SRGAP2: variants seen among roughly 807,000 people sequenced by gnomAD.
SRGAP2 encodes the protein SLIT-ROBO Rho GTPase-activating protein 2.
Under a neutral mutation model 57.2 loss-of-function variants are expected in SRGAP2, and 15 were observed. The ratio of observed to expected loss-of-function variants is 0.26; its 90% CI spans 0.18 to 0.40. The LOEUF is 0.40. Among genes scored for constraint, SRGAP2 ranks in the 10% least tolerant of loss-of-function variants. The pLI, the probability that SRGAP2 is intolerant of heterozygous loss-of-function variation, is 1.00. For synonymous variants in SRGAP2, 249 were observed against 248.0 expected (o/e 1.00, Z -0.04); for missense variants, 520 against 669.6 (o/e 0.78, Z 2.47).
chr1:206,306,994 G>C (rs1354293353), intron 3 of SRGAP2, among the ~76,000 whole-genome samples: 6 of 151,372 alleles, frequency 4.0e-5, no homozygotes, highest in African/African-American at 1.2e-4. Context: ...GGTGCTGATT[G>C]GTGTATTTAC....
intron 2 of SRGAP2, among the ~76,000 whole-genome samples, chr1:206,212,532 TTAATTA>T (rs1455798001): frequency 2.8e-4 from 8 of 28,848 alleles, no homozygotes; most frequent in African/African-American, 9.9e-4. Context: ...TAGTATATTA[TTAATTA>T]TAAAGTTGTA....
In SRGAP2 at chr1:206,458,781, G is replaced by T. The variant is rs377016252; in HGVS notation, c.2666G>T (p.Gly889Val). 3.5e-5 allele frequency: 27 copies of T among 780,810 alleles called. No homozygotes were observed. In the African/African-American group the frequency reaches 4.6e-4, roughly 13 times the overall value. 48.4% of individuals were successfully genotyped at this position (780,810 alleles called of 1,614,324 possible). A position where few individuals can be genotyped will look rare whatever the true frequency, so the allele number is the denominator to read the frequency against. ...PIMSQSLPKE[G>V]PDKCSISGHG... ...ATGAGCCAGAGCCTCCCCAAAGAAG[G>T]GCCAGATAAGTGTTCCATCAGTGGG... is the stretch of plus-strand genomic sequence containing the variant. The change falls in exon 22 of 23, where the codon GGG becomes GTG. Residue 889 changes from glycine (G) to valine (V), a missense_variant. Gly to Val is a moderately radical substitution (Grantham distance 109). Coordinates refer to ENST00000573034, the MANE Select transcript of SRGAP2 (RefSeq NM_015326.5).
At position 206,462,841 on chromosome 1, in the gene SRGAP2, G is replaced by C. The variant is rs141601592; in HGVS notation, c.*1421G>C. 114 of 152,204 alleles carry C rather than the reference G, an allele frequency of 7.5e-4. No individual in the cohort carries two copies. Among genetic ancestry groups the C allele is most frequent in the African/African-American group, 2.6e-3 (108 of 41,512 alleles). 9.4% of individuals were successfully genotyped at this position (152,204 alleles called of 1,614,324 possible). On this transcript the variant is annotated 3_prime_UTR_variant, in exon 23 of 23. Coordinates refer to ENST00000573034, the MANE Select transcript of SRGAP2 (RefSeq NM_015326.5). ...CTGCTCCAATTCAGTCTCCAAACCTGGTGCCTGTGCTCCTGGCCCCCCTAG... is the reference window on the plus strand; with the variant it reads ...CTGCTCCAATTCAGTCTCCAAACCTCGTGCCTGTGCTCCTGGCCCCCCTAG...
In SRGAP2 at chr1:206,462,604, G is replaced by A. The variant is rs889763959; in HGVS notation, c.*1184G>A. 6.6e-6 allele frequency: 1 copy of A among 152,222 alleles called. No individual in the cohort carries two copies. The highest frequency in any genetic ancestry group is 6.5e-5 in the Admixed American group (1 of 15,282). The allele number at this position is 152,222 out of a possible 1,614,324, so 9.4% of individuals were successfully genotyped here. On this transcript the variant is annotated 3_prime_UTR_variant, in exon 23 of 23. Coordinates refer to ENST00000573034, the MANE Select transcript of SRGAP2 (RefSeq NM_015326.5). ...CTTCAGGGACCAACAGGGGCTTAGA[G>A]AGCCTTAGTTAGATTAAAGGGAGAC...
chr1:206,449,752 A>C (rs1663106316), intron 18 of SRGAP2, among the ~76,000 whole-genome samples: 1 of 152,096 alleles, frequency 6.6e-6, no homozygotes, highest in Admixed American at 6.5e-5. Context: ...ACCAGTTCAC[A>C]GTCTGAACTG....
At chr1:206,424,043 T>TCGC (rs782137165) in intron 13 of SRGAP2, among the ~76,000 whole-genome samples, 12 of 147,800 alleles carry the variant, frequency 8.1e-5, no homozygotes, top group African/African-American at 2.0e-4. Flanking sequence ...TCCACCTGCC[T>TCGC]CGGCCTCCCA....
At chr1:206,394,022 A>C (rs1158113218) in intron 7 of SRGAP2, among the ~76,000 whole-genome samples, 1 of 134,044 alleles carries the variant, frequency 7.5e-6, no homozygotes, top group Non-Finnish European at 1.6e-5. Flanking sequence ...TCTATCTGCC[A>C]GGAAATACTT....
chr1:206,402,078 C>T (rs1658241513), intron 8 of SRGAP2, among the ~76,000 whole-genome samples: 1 of 151,656 alleles, frequency 6.6e-6, no homozygotes, highest in South Asian at 2.1e-4. Flanking sequence ...TGAGGTGGGG[C>T]CACATCCTAG....
intron 4 of SRGAP2, among the ~76,000 whole-genome samples, chr1:206,354,170 T>C (rs1553338841): frequency 2.0e-5 from 3 of 152,214 alleles, no homozygotes; most frequent in African/African-American, 7.2e-5. Flanking sequence ...GACTTTTTTT[T>C]ACATGCCTAC....
At position 206,448,499 on chromosome 1, in the gene SRGAP2, C is replaced by T. The variant is rs908827279; in HGVS notation, c.2100-1887C>T. 3.3e-5 allele frequency among the ~76,000 whole-genome samples: 5 copies of T among 152,298 alleles called. No individual in the cohort carries two copies. In the South Asian group the frequency reaches 1.0e-3, roughly 32 times the overall value. ...AGAGACCTCAGAAAGCATCCTCTTG[C>T]CTTTCTCATAAAGCAGTGGTTTTCA... On this transcript the variant is annotated intron_variant, in intron 18 of 22. Coordinates refer to ENST00000573034, the MANE Select transcript of SRGAP2 (RefSeq NM_015326.5).
At chr1:206,363,252 A>G (rs1677041411) in intron 4 of SRGAP2, among the ~76,000 whole-genome samples, 1 of 149,818 alleles carries the variant, frequency 6.7e-6, no homozygotes, top group African/African-American at 2.5e-5. Flanking sequence ...CAAAGGGCTT[A>G]TACCCTGAAG....
chr1:206,440,425 G>A (rs1197351188), intron 17 of SRGAP2, among the ~76,000 whole-genome samples: 1 of 152,154 alleles, frequency 6.6e-6, no homozygotes, highest in African/African-American at 2.4e-5. Flanking sequence ...GCAGAGGCCT[G>A]CCTGAGAAGA....
rs1174514919 is a variant in SRGAP2, at chr1:206,454,445, C to T, written c.2361-433C>T. 3 of 488,860 alleles carry T rather than the reference C, an allele frequency of 6.1e-6. No homozygotes were observed. The highest frequency in any genetic ancestry group is 6.8e-5 in the East Asian group (2 of 29,498). The allele number at this position is 488,860 out of a possible 1,614,324, so 30.3% of individuals were successfully genotyped here. ...GACAGTGTGTGGCGGTGTCCTGCCA[C>T]GACGCCGCCGTCTCCAGAGCCACCA... On this transcript the variant is annotated intron_variant, in intron 20 of 22. Transcript: ENST00000573034. The surrounding 1 kb of genome is among the most constrained non-coding windows in gnomAD (Gnocchi z 4.3).
intron 2 of SRGAP2, among the ~76,000 whole-genome samples, chr1:206,281,839 G>A (rs1418433808): frequency 1.4e-5 from 2 of 139,502 alleles, no homozygotes; most frequent in African/African-American, 3.0e-5. Flanking sequence ...ACTTGAACCC[G>A]GGAGGCGGTG....
intron 14 of SRGAP2, among the ~76,000 whole-genome samples, chr1:206,430,558 G>A (rs1661201539): frequency 6.6e-6 from 1 of 152,206 alleles, no homozygotes; most frequent in Non-Finnish European, 1.5e-5. Flanking sequence ...CTTTGCAAGT[G>A]TGGGTATCTC....
intron 4 of SRGAP2, among the ~76,000 whole-genome samples, chr1:206,344,785 T>C (rs1675499691): frequency 6.6e-6 from 1 of 151,556 alleles, no homozygotes; most frequent in South Asian, 2.1e-4. Context: ...TGTTCCTGGC[T>C]CTTCAAGTGC....
At chr1:206,232,303 G>A (rs1213026428) in intron 2 of SRGAP2, among the ~76,000 whole-genome samples, 4 of 151,848 alleles carry the variant, frequency 2.6e-5, no homozygotes, top group Non-Finnish European at 4.4e-5. Flanking sequence ...TTGAACCATC[G>A]TCAATTAAAT....
intron 3 of SRGAP2, among the ~76,000 whole-genome samples, chr1:206,309,219 A>G (rs1264543538): frequency 1.3e-5 from 2 of 150,716 alleles, no homozygotes; most frequent in Non-Finnish European, 3.0e-5. Context: ...CTATGTAAAT[A>G]GTATAATGTG....
intron 7 of SRGAP2, among the ~76,000 whole-genome samples, chr1:206,397,302 G>A (rs1263106124): frequency 6.6e-6 from 1 of 151,382 alleles, no homozygotes; most frequent in Non-Finnish European, 1.5e-5. Context: ...GATAAAAAGG[G>A]CCAAAAGGAT....
Sources: gnomAD v4.1 joint callset for allele counts (sites outside exome capture counted in the v4.1 genomes callset) on GRCh38, gnomAD v4.1.1 for gene constraint, Gnocchi (gnomAD v3.1) non-coding constraint, MANE v1.5 for transcripts, NCBI Gene and HGNC (gene_info 2026-07-23, HGNC 2026-07-21) for gene names.